Variants in BCLAF1 observed in about 807,000 individuals in gnomAD.
BCLAF1 encodes BCL2 associated transcription factor 1.
BCLAF1 carries 10 observed loss-of-function variants against 99.5 expected under a neutral mutation model. The observed-to-expected ratio is 0.10, with a 90% confidence interval of 0.06 to 0.17. The LOEUF is 0.17. Among genes scored for constraint, BCLAF1 ranks in the 10% least tolerant of loss-of-function variants. The pLI is 1.00. For synonymous variants in BCLAF1, 255 were observed against 370.9 expected, an observed-to-expected ratio of 0.69 and a Z score of 3.59; for missense variants, 636 against 1,105.8, an observed-to-expected ratio of 0.58 and a Z score of 6.02.
intron 2 of BCLAF1, among the ~76,000 whole-genome samples, chr6:136,281,681 T>C (rs1784400825): frequency 6.6e-6 from 1 of 152,158 alleles, no homozygotes; most frequent in Non-Finnish European, 1.5e-5. Context: ...TAAAACACTA[T>C]TTTACTAAGA....
At chr6:136,281,334 T>G (rs968377503) in intron 2 of BCLAF1, among the ~76,000 whole-genome samples, 1 of 152,174 alleles carries the variant, frequency 6.6e-6, no homozygotes, top group Non-Finnish European at 1.5e-5. Context: ...ATCTGACACC[T>G]TGTAGAACAC....
rs1194026559 is a variant in BCLAF1, at chr6:136,260,682, T to TA, written c.*427dup. ...TTCAAATTAAACAGATGTATACAGT[T>TA]AAAATAATTAGTGTAGTCTCTATAA... On this transcript the variant is annotated 3_prime_UTR_variant, in exon 13 of 13. Coordinates refer to ENST00000531224, the MANE Select transcript of BCLAF1 (RefSeq NM_014739.3). 9.9e-6 allele frequency: 2 copies of TA among 201,358 alleles called. No individual in the cohort carries two copies. Among genetic ancestry groups the TA allele is most frequent in the Non-Finnish European group, 2.0e-5 (2 of 101,288 alleles). The allele number at this position is 201,358 out of a possible 1,614,324, so 12.5% of individuals were successfully genotyped here. A position where few individuals can be genotyped will look rare whatever the true frequency, so the allele number is the denominator to read the frequency against.
In BCLAF1 at chr6:136,257,269, C is replaced by G. The variant is rs908848387; in HGVS notation, c.*3841G>C. On this transcript the variant is annotated 3_prime_UTR_variant, in exon 13 of 13. Transcript: ENST00000531224. The stretch of plus-strand genomic sequence containing the variant: ...ATTAAGACACATTATTTGAATGTTT[C>G]TAGTTGTGGTGGAATGCTATCCTAA... 6.6e-6 allele frequency: 1 copy of G among 152,162 alleles called. No individual in the cohort carries two copies. Among genetic ancestry groups the G allele is most frequent in the African/African-American group, 2.4e-5 (1 of 41,444 alleles). The allele number at this position is 152,162 out of a possible 1,614,324, so 9.4% of individuals were successfully genotyped here. A position where few individuals can be genotyped will look rare whatever the true frequency, so the allele number is the denominator to read the frequency against.
chr6:136,277,781 T>A, intron 4 of BCLAF1, 84 bp downstream of exon 4: 2 of 1,457,018 alleles, frequency 1.4e-6, no homozygotes, highest in Non-Finnish European at 9.1e-7. Flanking sequence ...TAAATACATA[T>A]CACAATTTTA....
intron 11 of BCLAF1, among the ~76,000 whole-genome samples, chr6:136,265,723 A>T (rs1170768768): frequency 6.6e-6 from 1 of 152,170 alleles, no homozygotes; most frequent in Admixed American, 6.6e-5. Flanking sequence ...CCTCTACAAA[A>T]GTCTCTCCTA....
rs562266475 is a variant in BCLAF1 at position 136,285,649 on chromosome 6, T to C, written c.-114-2962A>G. 6.6e-5 allele frequency among the ~76,000 whole-genome samples: 10 copies of C among 152,306 alleles called. No individual in the cohort carries two copies. In the East Asian group the frequency reaches 1.7e-3, roughly 26 times the overall value. On this transcript the variant is annotated intron_variant, in intron 1 of 12. Coordinates refer to ENST00000531224, the MANE Select transcript of BCLAF1 (RefSeq NM_014739.3). ...AGGAATAAATTGCCATATGTATCTT[T>C]AGCCAATTGACAGACCAACCAATGA... is the stretch of plus-strand genomic sequence containing the variant.
rs1224804282 is a variant in BCLAF1, at chr6:136,257,198, ACAC to A, written c.*3909_*3911del. 1.3e-5 allele frequency: 2 copies of A among 152,194 alleles called. No homozygotes were observed. Among genetic ancestry groups the A allele is most frequent in the African/African-American group, 4.8e-5 (2 of 41,452 alleles). 9.4% of individuals were successfully genotyped at this position (152,194 alleles called of 1,614,324 possible). On this transcript the variant is annotated 3_prime_UTR_variant, in exon 13 of 13. Coordinates refer to ENST00000531224, the MANE Select transcript of BCLAF1 (RefSeq NM_014739.3). ...CTACAAATCAGTTCACTGTGGTAAAACACCAAAAATATCCATAGGAAAAATTTT... is the reference window on the plus strand; with the variant it reads ...CTACAAATCAGTTCACTGTGGTAAAACAAAAATATCCATAGGAAAAATTTT...
chr6:136,285,243 G>A (rs909108812), intron 1 of BCLAF1, among the ~76,000 whole-genome samples: 1 of 152,210 alleles, frequency 6.6e-6, no homozygotes, highest in African/African-American at 2.4e-5. Flanking sequence ...ATGAAAAAAA[G>A]AGGCAAATCC....
At position 136,275,903 on chromosome 6, in the gene BCLAF1, T is replaced by G. The variant is rs757823711; in HGVS notation, c.1622A>C (p.Asp541Ala). The G allele has an allele frequency of 1.2e-6, 2 of 1,612,234 alleles. No homozygotes were observed. The highest frequency in any genetic ancestry group is 1.7e-6 in the Non-Finnish European group (2 of 1,179,442). ...SPLRIKMIAS[D>A]SHRPEVKLKM... ...GAGTTTGACTTCAGGACGGTGAGAA[T>G]CACTCGCTATCATTTTGATCCTAAG... Residue 541 changes from aspartate (D) to alanine (A), a missense_variant, in exon 5 of 13, where the codon GAT (aspartate) becomes GCT (alanine). Transcript: ENST00000531224.
At chr6:136,271,283 G>C (rs1384827474) in intron 8 of BCLAF1, among the ~76,000 whole-genome samples, 1 of 151,814 alleles carries the variant, frequency 6.6e-6, no homozygotes. Context: ...CTTCAAAACA[G>C]TTGCTCCCTT....
chr6:136,267,005 T>C (rs2128470320), intron 11 of BCLAF1, 24 bp downstream of exon 11: 3 of 1,610,902 alleles, frequency 1.9e-6, no homozygotes, highest in Middle Eastern at 1.7e-4. Flanking sequence ...GCAAACCAAA[T>C]AAACACAGAT....
rs947017698 is a variant in BCLAF1 at position 136,270,889 on chromosome 6, G to T, written c.2043+1106C>A. Among the ~76,000 whole-genome samples the T allele has an allele frequency of 3.3e-5, 5 of 151,628 alleles. No homozygotes were observed. In the East Asian group the frequency reaches 7.8e-4, roughly 24 times the overall value. The stretch of plus-strand genomic sequence containing the variant: ...ACTAAATTAACAACTTTGAACCCAA[G>T]ATATTATTTAAGTTAAAAACCAAAA... On this transcript the variant is annotated intron_variant, in intron 8 of 12. Transcript: ENST00000531224.
chr6:136,269,227 T>C, intron 9 of BCLAF1: 1 of 1,469,004 alleles, frequency 6.8e-7, no homozygotes, highest in Non-Finnish European at 9.0e-7. Context: ...GTCATTTTTT[T>C]TTTCAGTGTT....
chr6:136,268,810 TAACAC>T (rs1317998320), intron 9 of BCLAF1: 1 of 167,840 alleles, frequency 6.0e-6, no homozygotes, highest in African/African-American at 2.4e-5. Flanking sequence ...ATAAATTTAA[TAACAC>T]AAACAAAATC....
chr6:136,275,465 A>G (rs186391763), intron 6 of BCLAF1, 67 bp downstream of exon 6: 2 of 1,396,588 alleles, frequency 1.4e-6, no homozygotes, highest in East Asian at 2.5e-5. Flanking sequence ...TATTAAGCAT[A>G]ATTACACATT....
rs139615619 is a variant in BCLAF1 at position 136,287,614 on chromosome 6, G to A, written c.-115+2099C>T. 4.6e-5 allele frequency among the ~76,000 whole-genome samples: 7 copies of A among 152,244 alleles called. No individual in the cohort carries two copies. The East Asian group carries it at 1.3e-3, about 29-fold the overall frequency. On this transcript the variant is annotated intron_variant, in intron 1 of 12. Transcript: ENST00000531224. ...TAGTGTGCAACTACTGATTTCCAAC[G>A]TAGTTTCCAGAAACTCCCAAACTAA... is the stretch of plus-strand genomic sequence containing the variant.
intron 11 of BCLAF1, among the ~76,000 whole-genome samples, chr6:136,264,015 T>A (rs1269444213): frequency 6.6e-6 from 1 of 152,118 alleles, no homozygotes; most frequent in Non-Finnish European, 1.5e-5. Context: ...AATGCATAAA[T>A]CCTGACCCCA....
chr6:136,262,323 G>A (rs762203171), intron 11 of BCLAF1, among the ~76,000 whole-genome samples: 2 of 152,040 alleles, frequency 1.3e-5, no homozygotes, highest in Non-Finnish European at 2.9e-5. Context: ...ACAAAAATGG[G>A]AAATAAAGCA....
intron 11 of BCLAF1, among the ~76,000 whole-genome samples, chr6:136,264,238 ACT>A (rs1245779952): frequency 6.6e-6 from 1 of 152,062 alleles, no homozygotes; most frequent in African/African-American, 2.4e-5. Flanking sequence ...ACAGATTCTC[ACT>A]CTGTCACACA....
Sources: allele counts gnomAD v4.1 joint callset (sites outside exome capture counted in the v4.1 genomes callset), GRCh38; gene constraint gnomAD v4.1.1; transcripts MANE v1.5; gene names NCBI Gene and HGNC (gene_info 2026-07-23, HGNC 2026-07-21).